The following PDCD6 variants were observed in gnomAD, a reference collection of about 807,000 sequenced individuals.
The protein encoded by PDCD6 is programmed cell death 6, also known as programmed cell death protein 6.
Under a neutral mutation model 28.3 loss-of-function variants are expected in PDCD6, and 12 were observed. The ratio of observed to expected loss-of-function variants is 0.42; its 90% CI spans 0.27 to 0.69. The LOEUF (loss-of-function observed/expected upper bound fraction) is 0.69, where lower values mean the gene tolerates loss of function less well. Ranked by LOEUF, PDCD6 falls within the 30% of genes least tolerant of loss-of-function variation. PDCD6 has a pLI of 0.22. For missense variants in PDCD6, 226 were observed against 269.9 expected (o/e 0.84, Z 1.14); for synonymous variants, 92 against 108.0 (o/e 0.85, Z 0.92).
intron 2 of PDCD6, among the ~76,000 whole-genome samples, chr5:278,968 G>A (rs1284759639): frequency 6.6e-6 from 1 of 152,042 alleles, no homozygotes; most frequent in Non-Finnish European, 1.5e-5. Flanking sequence ...TGGGCCACCT[G>A]TGGCTTGCGG....
intron 1 of PDCD6, among the ~76,000 whole-genome samples, chr5:272,179 C>G (rs1282573769): frequency 6.7e-6 from 1 of 149,648 alleles, no homozygotes; most frequent in Non-Finnish European, 1.5e-5. Context: ...GGGCTAGGCC[C>G]TTTTTCTCGC....
At chr5:296,824 C>T (rs1461046506) in intron 2 of PDCD6, among the ~76,000 whole-genome samples, 3 of 152,018 alleles carry the variant, frequency 2.0e-5, no homozygotes, top group East Asian at 1.9e-4. Context: ...CTGTTTTCAT[C>T]GACAGTCTTC....
At chr5:299,444 ATC>A (rs1368252671) in intron 2 of PDCD6, among the ~76,000 whole-genome samples, 11 of 150,544 alleles carry the variant, frequency 7.3e-5, no homozygotes, top group Admixed American at 5.9e-4. Context: ...TTCTGTGCTG[ATC>A]TCTCGTTCCC....
intron 2 of PDCD6, among the ~76,000 whole-genome samples, chr5:283,770 T>G (rs1393969223): frequency 6.6e-6 from 1 of 151,370 alleles, no homozygotes; most frequent in Non-Finnish European, 1.5e-5. Context: ...TTGAGTGTCT[T>G]GCAGCTGCAG....
rs75805549 is a variant in PDCD6 at position 306,028 on chromosome 5, G to A, written c.209-574G>A. 8.1e-3 allele frequency: 1,259 copies of A among 155,426 alleles called. 15 individuals carry two copies. Among genetic ancestry groups the A allele is most frequent in the African/African-American group, 0.025 (1,036 of 41,592 alleles). 9.6% of individuals were successfully genotyped at this position (155,426 alleles called of 1,614,324 possible). On this transcript the variant is annotated intron_variant, in intron 3 of 5. Transcript: ENST00000264933. ...TAGCCATATTGCAACTACATATAAA[G>A]GTAGTTATAGATTCTTTTGTATTTG...
In PDCD6 at chr5:314,438, C is replaced by T. The variant is rs201011657; in HGVS notation, c.499C>T (p.Arg167Cys). The change falls in exon 6 of 6, where the codon CGT becomes TGT. Residue 167 changes from arginine (R) to cysteine (C), a missense_variant. Around this residue, in one of 3 missense-constraint regions of PDCD6, gnomAD observed 151 missense variants for 177.2 expected, o/e 0.85. Coordinates refer to ENST00000264933, the MANE Select transcript of PDCD6 (RefSeq NM_013232.4). ...CCAGAGGTTGACGGATATATTCAGA[C>T]GTTACGACACGGATCAGGACGGCTG... is the stretch of plus-strand genomic sequence containing the variant. ...VLQRLTDIFR[R>C]YDTDQDGWIQ... 1.7e-5 allele frequency: 27 copies of T among 1,613,498 alleles called. No homozygotes were observed. The highest frequency in any genetic ancestry group is 2.2e-5 in the South Asian group (2 of 91,078).
Position 307,173 on chromosome 5 carries a change from G to A in PDCD6, c.367+413G>A, listed in dbSNP as rs979560442. On this transcript the variant is annotated intron_variant, in intron 4 of 5. Transcript: ENST00000264933. This position sits in a 1 kb window ranked among gnomAD's most constrained non-coding sequence, Gnocchi z 6.1. ...AGCTGTCAGTCACCAGGTCCAAACC[G>A]TGCGCCTCAGAAGGGGCGTTAGGCA... is the stretch of plus-strand genomic sequence containing the variant. 1.3e-5 allele frequency among the ~76,000 whole-genome samples: 2 copies of A among 151,766 alleles called. No homozygotes were observed. The highest frequency in any genetic ancestry group is 2.9e-5 in the Non-Finnish European group (2 of 68,030).
chr5:278,178 C>T (rs1271519846), intron 2 of PDCD6, among the ~76,000 whole-genome samples: 3 of 152,094 alleles, frequency 2.0e-5, no homozygotes, highest in African/African-American at 7.2e-5. Context: ...CTTTTAGGTT[C>T]TGTTGGTGGG....
chr5:307,426 T>A lies in PDCD6; in HGVS notation c.367+666T>A, dbSNP rs1191391464. On this transcript the variant is annotated intron_variant, in intron 4 of 5. Transcript: ENST00000264933. This position sits in a 1 kb window ranked among gnomAD's most constrained non-coding sequence, Gnocchi z 6.1. Reference sequence around the variant, plus strand: ...AACGCGTGCCCATTCTCAGGTGCGCTCAGCGTGTGTGTGCTTGACGCGTGT... The same window carrying A: ...AACGCGTGCCCATTCTCAGGTGCGCACAGCGTGTGTGTGCTTGACGCGTGT... Among the ~76,000 whole-genome samples, 1 of 152,066 alleles carries A rather than the reference T, an allele frequency of 6.6e-6. No homozygotes were observed. Among genetic ancestry groups the A allele is most frequent in the African/African-American group, 2.4e-5 (1 of 41,428 alleles).
At chr5:297,533 G>A (rs1411735608) in intron 2 of PDCD6, among the ~76,000 whole-genome samples, 4 of 152,184 alleles carry the variant, frequency 2.6e-5, no homozygotes, top group African/African-American at 7.2e-5. Flanking sequence ...CACATTTCAT[G>A]TGTGCACTTT....
intron 2 of PDCD6, among the ~76,000 whole-genome samples, chr5:280,537 C>A (rs1241858159): frequency 7.2e-6 from 1 of 139,342 alleles, no homozygotes; most frequent in East Asian, 2.2e-4. Context: ...TGGGAGCTGG[C>A]ATTTAAGAGG....
At chr5:279,553 CAG>C (rs1158684188) in intron 2 of PDCD6, among the ~76,000 whole-genome samples, 10 of 152,064 alleles carry the variant, frequency 6.6e-5, no homozygotes, top group African/African-American at 2.4e-4. Context: ...CTGTCCATGA[CAG>C]TGACTTTCAA....
Position 289,588 on chromosome 5 carries a change from T to C in PDCD6, c.164-14589T>C, listed in dbSNP as rs141137113. 2,419 of 925,244 alleles carry C rather than the reference T, an allele frequency of 2.6e-3. 20 individuals carry two copies. Among genetic ancestry groups the C allele is most frequent in the African/African-American group, 0.025 (1,547 of 61,662 alleles). 57.3% of individuals were successfully genotyped at this position (925,244 alleles called of 1,614,324 possible). A position where few individuals can be genotyped will look rare whatever the true frequency, so the allele number is the denominator to read the frequency against. On this transcript the variant is annotated intron_variant, in intron 2 of 5. Coordinates refer to ENST00000264933, the MANE Select transcript of PDCD6 (RefSeq NM_013232.4). The stretch of plus-strand genomic sequence containing the variant: ...GCCTTTTTTGTCAAACATGAGTCTT[T>C]TTACCTCATGCCCCTCAGCTTCCAC...
chr5:272,941 G>A, intron 2 of PDCD6, 169 bp downstream of exon 2: 5 of 1,271,454 alleles, frequency 3.9e-6, no homozygotes, highest in South Asian at 2.7e-5. Context: ...TGTGGCTACC[G>A]CTGTTACTGC....
At chr5:284,908 G>T (rs1738846220) in intron 2 of PDCD6, among the ~76,000 whole-genome samples, 1 of 149,720 alleles carries the variant, frequency 6.7e-6, no homozygotes. Context: ...GGGTCTTGCA[G>T]CTGGAGACCC....
chr5:299,651 G>T (rs1182121803), intron 2 of PDCD6, among the ~76,000 whole-genome samples: 1 of 151,612 alleles, frequency 6.6e-6, no homozygotes, highest in Non-Finnish European at 1.5e-5. Flanking sequence ...CCGGGTTCAC[G>T]CCATTCTCCT....
intron 2 of PDCD6, among the ~76,000 whole-genome samples, chr5:297,976 CAA>C (rs1365892397): frequency 1.3e-5 from 2 of 152,130 alleles, no homozygotes; most frequent in African/African-American, 2.4e-5. Flanking sequence ...TAACAAATGA[CAA>C]ATTTATTTCT....
intron 2 of PDCD6, chr5:289,089 G>T: frequency 8.3e-7 from 1 of 1,209,972 alleles, no homozygotes; most frequent in Non-Finnish European, 1.2e-6. Context: ...CACAGTTGAG[G>T]CATCATCAGA....
chr5:273,096 G>T (rs1737941423), intron 2 of PDCD6: 1 of 294,372 alleles, frequency 3.4e-6, no homozygotes, highest in African/African-American at 2.3e-5. Flanking sequence ...TAAGTTGGAG[G>T]TCCTTGAATT....
Sources: allele counts gnomAD v4.1 joint callset (sites outside exome capture counted in the v4.1 genomes callset), GRCh38; gene constraint gnomAD v4.1.1; regional missense constraint gnomAD v4.1.1; non-coding constraint Gnocchi (gnomAD v3.1); transcripts MANE v1.5; gene names NCBI Gene and HGNC (gene_info 2026-07-23, HGNC 2026-07-21).